Variants in MKLN1 observed in about 807,000 individuals in gnomAD.
MKLN1 encodes the protein muskelin 1.
In MKLN1, 18 loss-of-function variants were observed where a neutral mutation model predicts 99.0. The observed-to-expected ratio is 0.18, with a 90% CI of 0.13 to 0.27. The LOEUF is 0.27. Among genes scored for constraint, MKLN1 ranks in the 10% least tolerant of loss-of-function variants. The pLI, the probability that MKLN1 is intolerant of heterozygous loss-of-function variation, is 1.00. For missense variants in MKLN1, 621 were observed against 875.9 expected, an observed-to-expected ratio of 0.71 and a Z score of 3.67; for synonymous variants, 288 against 293.2, an observed-to-expected ratio of 0.98 and a Z score of 0.18.
At chr7:131,374,013 G>A (rs1793555396) in intron 1 of MKLN1, among the ~76,000 whole-genome samples, 2 of 151,832 alleles carry the variant, frequency 1.3e-5, no homozygotes, top group Admixed American at 1.3e-4. Flanking sequence ...GGTTAGGCTG[G>A]GGTTATTTGT....
intron 2 of MKLN1, among the ~76,000 whole-genome samples, chr7:131,190,982 C>T (rs563799965): frequency 6.6e-6 from 1 of 152,168 alleles, no homozygotes; most frequent in African/African-American, 2.4e-5. Flanking sequence ...GATTCAATAG[C>T]CCTGGAGTGA....
At chr7:131,362,963 A>G (rs545512070) in intron 1 of MKLN1, among the ~76,000 whole-genome samples, 24 of 152,214 alleles carry the variant, frequency 1.6e-4, no homozygotes, top group African/African-American at 4.8e-4. Context: ...ATGATAATAA[A>G]AATATAAACT....
At chr7:131,228,708 A>G (rs1797194622) in intron 3 of MKLN1, among the ~76,000 whole-genome samples, 1 of 152,226 alleles carries the variant, frequency 6.6e-6, no homozygotes, top group Non-Finnish European at 1.5e-5. Context: ...AAACAGTTCA[A>G]ATGTTGAAAC....
At chr7:131,468,781 TA>T (rs1287897763) in intron 15 of MKLN1, among the ~76,000 whole-genome samples, 5 of 152,262 alleles carry the variant, frequency 3.3e-5, no homozygotes, top group African/African-American at 1.2e-4. Flanking sequence ...TGGCCAAAAA[TA>T]GCTTAGAAAA....
chr7:131,413,638 C>G (rs1246542893), intron 7 of MKLN1, among the ~76,000 whole-genome samples: 1 of 151,950 alleles, frequency 6.6e-6, no homozygotes, highest in Non-Finnish European at 1.5e-5. Flanking sequence ...CTCCTGAGTT[C>G]AAGTGATTCT....
At chr7:131,431,425 C>T (rs548688948) in intron 9 of MKLN1, among the ~76,000 whole-genome samples, 1 of 152,242 alleles carries the variant, frequency 6.6e-6, no homozygotes, top group East Asian at 1.9e-4. Flanking sequence ...CAAGTTGGCT[C>T]GGTCATTCTT....
At chr7:131,412,093 CA>C (rs1794900013) in intron 7 of MKLN1, among the ~76,000 whole-genome samples, 1 of 151,734 alleles carries the variant, frequency 6.6e-6, no homozygotes, top group African/African-American at 2.4e-5. Context: ...TCTCAAAAAA[CA>C]AAACAATAAC....
At chr7:131,207,237 C>T (rs992078283) in intron 3 of MKLN1, among the ~76,000 whole-genome samples, 3 of 152,138 alleles carry the variant, frequency 2.0e-5, no homozygotes, top group African/African-American at 7.2e-5. Context: ...GAGTCTCACT[C>T]ACTCTGTCAC....
chr7:131,316,042 C>A (rs1584593412), intron 3 of MKLN1, among the ~76,000 whole-genome samples: 1 of 152,184 alleles, frequency 6.6e-6, no homozygotes, highest in Non-Finnish European at 1.5e-5. Context: ...CTGATCCTGA[C>A]AAAGGGTATT....
chr7:131,257,679 T>G (rs1015899405), intron 3 of MKLN1, among the ~76,000 whole-genome samples: 3 of 151,664 alleles, frequency 2.0e-5, no homozygotes, highest in Admixed American at 6.6e-5. Flanking sequence ...AGAAATGTCC[T>G]CTTAACACTG....
At chr7:131,402,057 A>T (rs1260539207) in intron 6 of MKLN1, among the ~76,000 whole-genome samples, 1 of 152,178 alleles carries the variant, frequency 6.6e-6, no homozygotes, top group African/African-American at 2.4e-5. Flanking sequence ...CAAAAGATTT[A>T]TCTGTGGTGT....
intron 8 of MKLN1, among the ~76,000 whole-genome samples, chr7:131,419,732 A>G (rs1795134808): frequency 6.6e-6 from 1 of 152,112 alleles, no homozygotes; most frequent in South Asian, 2.1e-4. Flanking sequence ...TTTTGTTGCT[A>G]GATCAGAGGT....
At chr7:131,436,991 G>A (rs934522145) in intron 9 of MKLN1, among the ~76,000 whole-genome samples, 1 of 152,044 alleles carries the variant, frequency 6.6e-6, no homozygotes, top group Non-Finnish European at 1.5e-5. Flanking sequence ...CTTATTAAAG[G>A]TATCATCCTG....
At chr7:131,395,890 T>C (rs1160091959) in intron 4 of MKLN1, among the ~76,000 whole-genome samples, 1 of 151,904 alleles carries the variant, frequency 6.6e-6, no homozygotes, top group Non-Finnish European at 1.5e-5. Context: ...TTCACTAAAA[T>C]TTTATATTTT....
intron 12 of MKLN1, among the ~76,000 whole-genome samples, chr7:131,460,615 C>T (rs1434389415): frequency 6.6e-6 from 1 of 152,196 alleles, no homozygotes. Context: ...TCACAATCTA[C>T]TTCTTCTCTT....
chr7:131,305,007 C>T (rs1354928975), intron 3 of MKLN1, among the ~76,000 whole-genome samples: 11 of 152,158 alleles, frequency 7.2e-5, no homozygotes, highest in Admixed American at 7.2e-4. Flanking sequence ...GAGGACACAG[C>T]CATCCGTCCC....
At chr7:131,186,114 C>G (rs1249253273) in intron 2 of MKLN1, among the ~76,000 whole-genome samples, 1 of 152,026 alleles carries the variant, frequency 6.6e-6, no homozygotes, top group Non-Finnish European at 1.5e-5. Context: ...TTCCTTGCAC[C>G]CGGAAGGTGG....
At chr7:131,447,897 G>A (rs566563500) in intron 12 of MKLN1, among the ~76,000 whole-genome samples, 1 of 152,250 alleles carries the variant, frequency 6.6e-6, no homozygotes, top group South Asian at 2.1e-4. Flanking sequence ...TGCAAGGAAG[G>A]TGTTTCTGCC....
chr7:131,134,009 T>C (rs1278338534), intron 1 of MKLN1, among the ~76,000 whole-genome samples: 1 of 151,686 alleles, frequency 6.6e-6, no homozygotes, highest in Admixed American at 6.6e-5. Flanking sequence ...TTTGTATTTT[T>C]AGTGGAGACG....
Sources: gnomAD v4.1 joint callset for allele counts (sites outside exome capture counted in the v4.1 genomes callset) on GRCh38, gnomAD v4.1.1 for gene constraint, MANE v1.5 for transcripts, NCBI Gene and HGNC (gene_info 2026-07-23, HGNC 2026-07-21) for gene names.